KATNA1: variants seen among roughly 807,000 people sequenced by gnomAD.
KATNA1 encodes the protein katanin catalytic subunit A1.
In KATNA1, 42 loss-of-function variants were observed where a neutral mutation model predicts 62.6. The ratio of observed to expected loss-of-function variants is 0.67; its 90% CI spans 0.52 to 0.87. KATNA1 has a LOEUF of 0.87. Among genes scored for constraint, KATNA1 ranks in the 40% least tolerant of loss-of-function variants. The pLI is 0.00. For synonymous variants in KATNA1, 186 were observed against 201.9 expected (o/e 0.92, Z 0.67); for missense variants, 498 against 612.5 (o/e 0.81, Z 1.97).
intron 3 of KATNA1, among the ~76,000 whole-genome samples, chr6:149,623,907 CTG>C (rs1779507285): frequency 1.3e-5 from 2 of 151,866 alleles, no homozygotes; most frequent in Admixed American, 6.6e-5. Flanking sequence ...TTGTTGGAAA[CTG>C]AAAAAAAATT....
chr6:149,598,817 A>G (rs1778425881), intron 7 of KATNA1, among the ~76,000 whole-genome samples: 2 of 152,132 alleles, frequency 1.3e-5, no homozygotes, highest in African/African-American at 4.8e-5. Flanking sequence ...GGGAGATGGG[A>G]TAGAATTAGA....
In KATNA1 at chr6:149,643,847, A is replaced by T. The variant is rs188487477; in HGVS notation, c.-14+4622T>A. 2.2e-3 allele frequency among the ~76,000 whole-genome samples: 329 copies of T among 147,028 alleles called. 5 individuals carry two copies. In the South Asian group the frequency reaches 0.032, roughly 14 times the overall value. On this transcript the variant is annotated intron_variant, in intron 1 of 10. Coordinates refer to ENST00000367411, the MANE Select transcript of KATNA1 (RefSeq NM_007044.4). ...CCACACCCAGCTAATATATATATAT[A>T]TTTTTTTTTTGGTATGTTTTGTAGA...
At position 149,634,593 on chromosome 6, in the gene KATNA1, A is replaced by C. The variant is rs563560417; in HGVS notation, c.163-1677T>G. ...CGATCATAGCTCACCATAACCTCAA[A>C]CTCCTGGGTTCAAGCCATCCTCTCA... On this transcript the variant is annotated intron_variant, in intron 2 of 10. Transcript: ENST00000367411. Among the ~76,000 whole-genome samples the C allele has an allele frequency of 2.8e-4, 42 of 152,102 alleles. 1 individual carries two copies. Among genetic ancestry groups the C allele is most frequent in the Middle Eastern group, 6.8e-3 (2 of 292 alleles).
In KATNA1 at chr6:149,623,220, A is replaced by G; in HGVS notation, c.384T>C (p.Asn128=). ...SQYSDPKSHG[N]RPSTTVRVHR... is the part of the protein sequence containing the mutation. ...GAACTCTGACAGTTGTACTTGGACG[A>G]TTACCATGTGATTTAGGGTCACTGT... The change falls in exon 4 of 11, where the codon AAT becomes AAC. Residue 128 remains asparagine (N), a synonymous_variant. Coordinates refer to ENST00000367411, the MANE Select transcript of KATNA1 (RefSeq NM_007044.4). 6.2e-7 allele frequency: 1 copy of G among 1,613,844 alleles called. No homozygotes were observed. The highest frequency in any genetic ancestry group is 8.5e-7 in the Non-Finnish European group (1 of 1,179,890).
intron 4 of KATNA1, among the ~76,000 whole-genome samples, chr6:149,610,125 G>C (rs1357829984): frequency 6.9e-6 from 1 of 144,690 alleles, no homozygotes. Context: ...AAAAAATCCT[G>C]TCTCTACAAA....
intron 3 of KATNA1, among the ~76,000 whole-genome samples, chr6:149,627,211 G>A (rs887180171): frequency 6.6e-6 from 1 of 151,492 alleles, no homozygotes; most frequent in East Asian, 1.9e-4. Flanking sequence ...TGGCCAACAT[G>A]GAGAAACCCC....
chr6:149,605,475 C>T (rs1778703804), intron 4 of KATNA1, among the ~76,000 whole-genome samples: 1 of 152,144 alleles, frequency 6.6e-6, no homozygotes, highest in South Asian at 2.1e-4. Flanking sequence ...CTCATCAATG[C>T]TCCTAAAAAT....
chr6:149,638,383 C>A lies in KATNA1; in HGVS notation c.162+3G>T, dbSNP rs772366599. On this transcript the variant is annotated splice_donor_region_variant and intron_variant, in intron 2 of 10. Coordinates refer to ENST00000367411, the MANE Select transcript of KATNA1 (RefSeq NM_007044.4). Reference sequence around the variant, plus strand: ...TAAAACATACAGCAGCCATTACTCTCACCTGTTGCCATTTCTGCTGGAGGT... The same window carrying A: ...TAAAACATACAGCAGCCATTACTCTAACCTGTTGCCATTTCTGCTGGAGGT... 6.2e-7 allele frequency: 1 copy of A among 1,611,344 alleles called. No homozygotes were observed. Among genetic ancestry groups the A allele is most frequent in the South Asian group, 1.1e-5 (1 of 90,630 alleles).
chr6:149,629,504 T>A (rs1292831665), intron 3 of KATNA1, among the ~76,000 whole-genome samples: 1 of 152,072 alleles, frequency 6.6e-6, no homozygotes, highest in East Asian at 1.9e-4. Flanking sequence ...TGTATGGTAT[T>A]TTATTGTGGT....
At chr6:149,647,035 G>T (rs1780512087) in intron 1 of KATNA1, among the ~76,000 whole-genome samples, 1 of 152,048 alleles carries the variant, frequency 6.6e-6, no homozygotes, top group South Asian at 2.1e-4. Context: ...GGACTACATA[G>T]CATGCCTATT....
At chr6:149,614,811 G>A (rs1300376877) in intron 4 of KATNA1, among the ~76,000 whole-genome samples, 2 of 152,052 alleles carry the variant, frequency 1.3e-5, no homozygotes, top group African/African-American at 2.4e-5. Flanking sequence ...AAAAGAAAAT[G>A]AGAAGGGAAT....
chr6:149,628,676 C>CG lies in KATNA1; in HGVS notation c.320+4082dup, dbSNP rs577490497. Reference sequence around the variant, plus strand: ...CTCTACTAATAATACAAAAATTAGCCGGGCATGGTGGCACACACCTGTAGT... The same window carrying CG: ...CTCTACTAATAATACAAAAATTAGCCGGGGCATGGTGGCACACACCTGTAGT... On this transcript the variant is annotated intron_variant, in intron 3 of 10. Transcript: ENST00000367411. Among the ~76,000 whole-genome samples the CG allele has an allele frequency of 3.6e-3, 539 of 151,664 alleles. 3 individuals are homozygous for CG. Among genetic ancestry groups the CG allele is most frequent in the Non-Finnish European group, 6.2e-3 (422 of 67,888 alleles).
chr6:149,640,798 C>G (rs565270437), intron 1 of KATNA1, among the ~76,000 whole-genome samples: 1 of 152,174 alleles, frequency 6.6e-6, no homozygotes, highest in Admixed American at 6.6e-5. Flanking sequence ...CCGCCCGCCT[C>G]GGCCTCCCAA....
At chr6:149,616,462 A>G (rs1316063549) in intron 4 of KATNA1, among the ~76,000 whole-genome samples, 1 of 152,200 alleles carries the variant, frequency 6.6e-6, no homozygotes, top group Non-Finnish European at 1.5e-5. Flanking sequence ...GTCATTCTTC[A>G]AAAAATTAAA....
At chr6:149,631,633 C>T (rs1432962054) in intron 3 of KATNA1, 1 of 151,212 alleles carries the variant, frequency 6.6e-6, no homozygotes, top group African/African-American at 2.4e-5. Flanking sequence ...TGAAAACAAT[C>T]TGATCAACAT....
chr6:149,614,255 C>G (rs563393207), intron 4 of KATNA1, among the ~76,000 whole-genome samples: 37 of 152,252 alleles, frequency 2.4e-4, no homozygotes, highest in Middle Eastern at 6.8e-3. Flanking sequence ...TTTTGATTGC[C>G]GAATGCAGCT....
At chr6:149,599,518 G>A (rs1399661831) in intron 7 of KATNA1, among the ~76,000 whole-genome samples, 6 of 151,998 alleles carry the variant, frequency 3.9e-5, no homozygotes, top group African/African-American at 1.4e-4. Context: ...CTTCTGGTAA[G>A]AGAAGCCTCT....
intron 4 of KATNA1, among the ~76,000 whole-genome samples, chr6:149,620,253 A>G (rs1779344139): frequency 6.6e-6 from 1 of 152,150 alleles, no homozygotes; most frequent in Non-Finnish European, 1.5e-5. Flanking sequence ...GATAGGTGGA[A>G]TGAATTCTAG....
chr6:149,611,034 A>C (rs1582767343), intron 4 of KATNA1, among the ~76,000 whole-genome samples: 1 of 152,228 alleles, frequency 6.6e-6, no homozygotes, highest in East Asian at 1.9e-4. Context: ...GTGAGCCAAG[A>C]CTGCACCACT....
Sources: gnomAD v4.1 joint callset for allele counts (sites outside exome capture counted in the v4.1 genomes callset) on GRCh38, gnomAD v4.1.1 for gene constraint, MANE v1.5 for transcripts, NCBI Gene and HGNC (gene_info 2026-07-23, HGNC 2026-07-21) for gene names.